MEIS2: variants seen among roughly 807,000 people sequenced by gnomAD.
MEIS2 encodes the protein Meis homeobox 2.
Under a neutral mutation model 58.6 loss-of-function variants are expected in MEIS2, and 9 were observed. The ratio of observed to expected loss-of-function variants is 0.15; its 90% CI spans 0.09 to 0.27. The LOEUF (loss-of-function observed/expected upper bound fraction) is 0.27. Among genes scored for constraint, MEIS2 ranks in the 10% least tolerant of loss-of-function variants. The probability of loss-of-function intolerance (pLI) is 1.00; values close to 1 mark genes in which losing one functional copy is unlikely to be tolerated. For missense variants in MEIS2, 427 were observed against 635.0 expected (o/e 0.67, Z 3.52); for synonymous variants, 221 against 228.4 (o/e 0.97, Z 0.29).
chr15:36,943,843 G>A (rs1026617694), intron 9 of MEIS2, among the ~76,000 whole-genome samples: 1 of 151,972 alleles, frequency 6.6e-6, no homozygotes, highest in African/African-American at 2.4e-5. Context: ...GAGTCCCCTC[G>A]CTGGCATTCC....
chr15:36,975,251 T>G (rs2059702025), intron 8 of MEIS2, among the ~76,000 whole-genome samples: 1 of 152,198 alleles, frequency 6.6e-6, no homozygotes, highest in East Asian at 1.9e-4. Flanking sequence ...CTCAAATCAG[T>G]GCAGCTTGAA....
rs1230331838 is a variant in MEIS2 at position 37,091,038 on chromosome 15, A to C, written c.639+2543T>G. ...GCAATGTATTAAATATGCATATCAA[A>C]GCAAATGAAAAATAAACCTGAAGAT... is the stretch of plus-strand genomic sequence containing the variant. On this transcript the variant is annotated intron_variant, in intron 6 of 11. Coordinates refer to ENST00000561208, the MANE Select transcript of MEIS2 (RefSeq NM_170675.5). Among the ~76,000 whole-genome samples the C allele has an allele frequency of 2.0e-5, 3 of 152,190 alleles. No homozygotes were observed. The East Asian group carries it at 5.8e-4, about 29-fold the overall frequency.
At chr15:36,922,475 T>C (rs1595730215) in intron 9 of MEIS2, among the ~76,000 whole-genome samples, 1 of 152,192 alleles carries the variant, frequency 6.6e-6, no homozygotes, top group South Asian at 2.1e-4. Context: ...CCTTTTTTTT[T>C]TTAAATGTTA....
chr15:36,971,148 T>C (rs1009871984), intron 8 of MEIS2, among the ~76,000 whole-genome samples: 1 of 152,008 alleles, frequency 6.6e-6, no homozygotes, highest in Non-Finnish European at 1.5e-5. Flanking sequence ...CTCTGGCTAG[T>C]AACAGGAAAA....
rs556300349 is a variant in MEIS2, at chr15:36,962,531, T to A, written c.901-12131A>T. 1.2e-4 allele frequency among the ~76,000 whole-genome samples: 18 copies of A among 151,752 alleles called. No individual in the cohort carries two copies. In the East Asian group the frequency reaches 3.3e-3, roughly 28 times the overall value. On this transcript the variant is annotated intron_variant, in intron 8 of 11. Coordinates refer to ENST00000561208, the MANE Select transcript of MEIS2 (RefSeq NM_170675.5). The stretch of plus-strand genomic sequence containing the variant: ...AAATAGTTATACTACACTTTTTATT[T>A]GCATTTTTTTTTTACTGTCGCAGTG...
chr15:37,069,251 T>C (rs1890359752), intron 7 of MEIS2, among the ~76,000 whole-genome samples: 1 of 152,206 alleles, frequency 6.6e-6, no homozygotes, highest in African/African-American at 2.4e-5. Context: ...AGAGAAATTC[T>C]GTTTCTACTC....
At chr15:37,094,441 A>G in intron 5 of MEIS2, 86 bp downstream of exon 5, 1 of 1,318,432 alleles carries the variant, frequency 7.6e-7, no homozygotes, top group Non-Finnish European at 1.1e-6. Flanking sequence ...TCAATCCCTC[A>G]CACTAGAGGT....
At position 36,893,166 on chromosome 15, in the gene MEIS2, T is replaced by C. The variant is rs145870738; in HGVS notation, c.1148-707A>G. ...AAATTCTCAATTGAGATATGCAACA[T>C]TCAAAGTTATGAGTTAAATGGTGGG... is the stretch of plus-strand genomic sequence containing the variant. On this transcript the variant is annotated intron_variant, in intron 11 of 11. Transcript: ENST00000561208. 6.1e-3 allele frequency among the ~76,000 whole-genome samples: 925 copies of C among 152,336 alleles called. 13 individuals are homozygous for C. Among genetic ancestry groups the C allele is most frequent in the African/African-American group, 0.021 (888 of 41,574 alleles).
intron 10 of MEIS2, among the ~76,000 whole-genome samples, chr15:36,896,118 A>C (rs1381033045): frequency 6.6e-6 from 1 of 152,254 alleles, no homozygotes; most frequent in East Asian, 1.9e-4. Context: ...AGCAGCATGG[A>C]TGTGAAGCAT....
chr15:37,055,749 G>A (rs1188922348), intron 7 of MEIS2, among the ~76,000 whole-genome samples: 2 of 152,132 alleles, frequency 1.3e-5, no homozygotes, highest in African/African-American at 4.8e-5. Flanking sequence ...GGTTTGTAAT[G>A]CAACAACTCC....
At chr15:37,040,503 A>G (rs917281958) in intron 7 of MEIS2, among the ~76,000 whole-genome samples, 1 of 152,148 alleles carries the variant, frequency 6.6e-6, no homozygotes, top group Non-Finnish European at 1.5e-5. Context: ...TAACTTCTAA[A>G]CATGCCAGGA....
chr15:37,099,374 T>C lies in MEIS2; in HGVS notation c.12+81A>G, dbSNP rs550540687. 100 of 1,590,950 alleles carry C rather than the reference T, an allele frequency of 6.3e-5. 1 individual carries two copies. The South Asian group carries it at 9.9e-4, about 16-fold the overall frequency. On this transcript the variant is annotated intron_variant, in intron 1 of 11. Transcript: ENST00000561208. ...CAAGCAGCGAGCAGCAGCAGAAGCGTTGAAGGGAGAGGAGGCATCGGGACA... is the reference window on the plus strand; with the variant it reads ...CAAGCAGCGAGCAGCAGCAGAAGCGCTGAAGGGAGAGGAGGCATCGGGACA...
At chr15:37,014,341 C>G (rs192899331) in intron 8 of MEIS2, among the ~76,000 whole-genome samples, 1 of 152,252 alleles carries the variant, frequency 6.6e-6, no homozygotes, top group Admixed American at 6.5e-5. Flanking sequence ...GGATGCAGTA[C>G]TATATCTGAG....
Position 36,965,366 on chromosome 15 carries a change from T to C in MEIS2, c.901-14966A>G, listed in dbSNP as rs187288428. Among the ~76,000 whole-genome samples the C allele has an allele frequency of 2.2e-3, 342 of 152,264 alleles. 1 individual carries two copies. Among genetic ancestry groups the C allele is most frequent in the African/African-American group, 7.8e-3 (325 of 41,542 alleles). On this transcript the variant is annotated intron_variant, in intron 8 of 11. Transcript: ENST00000561208. ...GCAAGATGTGATTAATTATATGAGG[T>C]CTACAGTTGCCATCAAAACAATGCA...
At chr15:36,914,558 G>A (rs1472421657) in intron 9 of MEIS2, among the ~76,000 whole-genome samples, 2 of 152,170 alleles carry the variant, frequency 1.3e-5, no homozygotes, top group Admixed American at 6.5e-5. Flanking sequence ...TGATGTGAAG[G>A]TTAGTAGAGG....
intron 8 of MEIS2, among the ~76,000 whole-genome samples, chr15:36,961,124 C>A (rs1020314552): frequency 6.6e-6 from 1 of 152,090 alleles, no homozygotes; most frequent in African/African-American, 2.4e-5. Flanking sequence ...GGCCCCATTA[C>A]TATTTTACCT....
intron 9 of MEIS2, among the ~76,000 whole-genome samples, chr15:36,912,543 G>A (rs1186102935): frequency 6.6e-6 from 1 of 152,170 alleles, no homozygotes; most frequent in Non-Finnish European, 1.5e-5. Flanking sequence ...AGGCAAGAAG[G>A]TGCAGGGACC....
chr15:37,004,729 T>A (rs1220904441), intron 8 of MEIS2, among the ~76,000 whole-genome samples: 16 of 152,172 alleles, frequency 1.1e-4, no homozygotes, highest in Non-Finnish European at 5.9e-5. Flanking sequence ...ATCCCTTGCA[T>A]AACACTAAGA....
chr15:37,036,690 A>G, intron 8 of MEIS2, 124 bp downstream of exon 8: 1 of 1,081,338 alleles, frequency 9.2e-7, no homozygotes. Context: ...CTAGTCTGTT[A>G]GTCATCAGAT....
Sources: gnomAD v4.1 joint callset for allele counts (sites outside exome capture counted in the v4.1 genomes callset) on GRCh38, gnomAD v4.1.1 for gene constraint, MANE v1.5 for transcripts, NCBI Gene and HGNC (gene_info 2026-07-23, HGNC 2026-07-21) for gene names.